Variants in CA8 observed in about 807,000 individuals in gnomAD.
CA8 encodes carbonic anhydrase 8 (inactive), also known as carbonic anhydrase-related protein.
In CA8, 22 loss-of-function variants were observed where a neutral mutation model predicts 41.4. The ratio of observed to expected loss-of-function variants is 0.53; its 90% CI spans 0.38 to 0.76. CA8 has a LOEUF of 0.76. CA8 is among the 30% of genes least tolerant of loss of function. CA8 has a pLI of 0.00. For synonymous variants in CA8, 121 were observed against 130.6 expected (o/e 0.93, Z 0.50); for missense variants, 270 against 352.8 (o/e 0.77, Z 1.88).
chr8:60,242,785 G>T (rs1357045782), intron 3 of CA8, among the ~76,000 whole-genome samples: 1 of 152,240 alleles, frequency 6.6e-6, no homozygotes, highest in South Asian at 2.1e-4. Context: ...GTGCTGGCTA[G>T]AGCAGAATCC....
At position 60,281,361 on chromosome 8, in the gene CA8, G is replaced by C; in HGVS notation, c.-214C>G. On this transcript the variant is annotated 5_prime_UTR_variant, in exon 1 of 9. Transcript: ENST00000317995. ...TTCCAGAGACCCGCGTGGGAAGCGC[G>C]TCCGGAGGCCCCAGCAGAGCGAGGG... 1.8e-6 allele frequency: 1 copy of C among 569,712 alleles called. No homozygotes were observed. The allele number at this position is 569,712 out of a possible 1,614,324, so 35.3% of individuals were successfully genotyped here.
chr8:60,252,869 C>A (rs1189878096), intron 3 of CA8, among the ~76,000 whole-genome samples: 1 of 151,940 alleles, frequency 6.6e-6, no homozygotes, highest in African/African-American at 2.4e-5. Flanking sequence ...TACTTCTGGT[C>A]CCAAGCATTC....
chr8:60,256,657 C>A (rs1808651468), intron 3 of CA8, among the ~76,000 whole-genome samples: 1 of 152,194 alleles, frequency 6.6e-6, no homozygotes, highest in South Asian at 2.1e-4. Context: ...GAGTTAAAAT[C>A]TCCTATCATC....
Position 60,185,535 on chromosome 8 carries a change from C to T in CA8, c.*4486G>A, listed in dbSNP as rs541315284. ...ACTCACACCCAGATACATCATAGTA[C>T]GAAATCTGGGGCAGGGGGGAAACCA... On this transcript the variant is annotated 3_prime_UTR_variant, in exon 9 of 9. Transcript: ENST00000317995. Among the ~76,000 whole-genome samples the T allele has an allele frequency of 2.6e-5, 4 of 152,062 alleles. No individual in the cohort carries two copies. The highest frequency in any genetic ancestry group is 1.9e-4 in the East Asian group (1 of 5,178).
intron 3 of CA8, among the ~76,000 whole-genome samples, chr8:60,239,315 C>T (rs1807938282): frequency 6.6e-6 from 1 of 152,086 alleles, no homozygotes; most frequent in African/African-American, 2.4e-5. Flanking sequence ...CAAACTAGTG[C>T]CCCATTAGTG....
intron 5 of CA8, among the ~76,000 whole-genome samples, chr8:60,225,033 G>T (rs1807378640): frequency 6.6e-6 from 1 of 151,782 alleles, no homozygotes; most frequent in Non-Finnish European, 1.5e-5. Context: ...TTCCTGTCTT[G>T]TCCTATTTGG....
At position 60,260,654 on chromosome 8, in the gene CA8, T is replaced by C. The variant is rs187912360; in HGVS notation, c.417+5271A>G. ...TAAATGATCCTGTGCAATTTGACCT[T>C]TTGAACTCTTAGATTTCTTCTTTGC... On this transcript the variant is annotated intron_variant, in intron 3 of 8. Transcript: ENST00000317995. 1.6e-4 allele frequency among the ~76,000 whole-genome samples: 24 copies of C among 152,340 alleles called. No homozygotes were observed. In the East Asian group the frequency reaches 4.4e-3, roughly 28 times the overall value.
In CA8 at chr8:60,185,979, T is replaced by A. The variant is rs755278636; in HGVS notation, c.*4042A>T. Among the ~76,000 whole-genome samples, 4 of 152,124 alleles carry A rather than the reference T, an allele frequency of 2.6e-5. No homozygotes were observed. The highest frequency in any genetic ancestry group is 2.6e-4 in the Admixed American group (4 of 15,298). On this transcript the variant is annotated 3_prime_UTR_variant, in exon 9 of 9. Transcript: ENST00000317995. ...AATTATGCTTTAGACCCAGAACATA[T>A]ACAAATGTGACATATTTGACAATGA...
chr8:60,277,560 G>T (rs1340270842), intron 2 of CA8, among the ~76,000 whole-genome samples: 1 of 152,076 alleles, frequency 6.6e-6, no homozygotes, highest in African/African-American at 2.4e-5. Flanking sequence ...TCACCATGTT[G>T]GTCAGGCTGG....
At chr8:60,229,485 A>G (rs1807566306) in intron 4 of CA8, among the ~76,000 whole-genome samples, 1 of 152,000 alleles carries the variant, frequency 6.6e-6, no homozygotes, top group South Asian at 2.1e-4. Context: ...TTACTGACCC[A>G]CTAGTCAATC....
In CA8 at chr8:60,217,396, C is replaced by T. The variant is rs577768439; in HGVS notation, c.738+5253G>A. ...GACACTCGTAATCTCTCCACTCCTTCTTGAAACTTGCCTCTCCCATGGCTT... is the reference window on the plus strand; with the variant it reads ...GACACTCGTAATCTCTCCACTCCTTTTTGAAACTTGCCTCTCCCATGGCTT... On this transcript the variant is annotated intron_variant, in intron 7 of 8. Transcript: ENST00000317995. Among the ~76,000 whole-genome samples the T allele has an allele frequency of 1.2e-4, 19 of 152,308 alleles. 1 individual carries two copies. Among genetic ancestry groups the T allele is most frequent in the South Asian group, 8.3e-4 (4 of 4,822 alleles).
At chr8:60,253,674 G>A (rs1808525775) in intron 3 of CA8, among the ~76,000 whole-genome samples, 1 of 152,076 alleles carries the variant, frequency 6.6e-6, no homozygotes, top group East Asian at 1.9e-4. Context: ...AGGACCCTCT[G>A]GGGTTACCTC....
intron 2 of CA8, among the ~76,000 whole-genome samples, chr8:60,269,733 C>T (rs1804009670): frequency 6.6e-6 from 1 of 152,116 alleles, no homozygotes; most frequent in South Asian, 2.1e-4. Context: ...GACACCTGGC[C>T]CTGTGCTGGC....
chr8:60,266,030 C>T lies in CA8; in HGVS notation c.312G>A (p.Leu104=). ...ACAGTTCAAATTCATGCCCTTGAGGCAATGGTCCTCCCGAAAGAACTGAAA... is the reference window on the plus strand; with the variant it reads ...ACAGTTCAAATTCATGCCCTTGAGGTAATGGTCCTCCCGAAAGAACTGAAA... ...KSKSVLSGGP[L]PQGHEFELYE... The change falls in exon 3 of 9, where the codon TTG becomes TTA. Residue 104 remains leucine, a synonymous_variant. Transcript: ENST00000317995. 1 of 1,613,626 alleles carries T rather than the reference C, an allele frequency of 6.2e-7. No homozygotes were observed. Among genetic ancestry groups the T allele is most frequent in the Non-Finnish European group, 8.5e-7 (1 of 1,179,612 alleles).
Position 60,232,398 on chromosome 8 carries a change from A to AC in CA8, c.418-20dup. The AC allele has an allele frequency of 1.3e-6, 2 of 1,507,898 alleles. No individual in the cohort carries two copies. The highest frequency in any genetic ancestry group is 1.8e-6 in the Non-Finnish European group (2 of 1,083,092). 93.4% of individuals were successfully genotyped at this position (1,507,898 alleles called of 1,614,324 possible). A position where few individuals can be genotyped will look rare whatever the true frequency, so the allele number is the denominator to read the frequency against. On this transcript the variant is annotated intron_variant, in intron 3 of 8. Transcript: ENST00000317995. The stretch of plus-strand genomic sequence containing the variant: ...GATGGAGCTGAGTGAGTGGCAACAG[A>AC]CAGACCACATCATTTAATGTGCTAC...
intron 8 of CA8, chr8:60,208,338 G>C (rs921924012): frequency 9.7e-6 from 2 of 205,356 alleles, no homozygotes; most frequent in East Asian, 1.3e-4. Context: ...AGACGAGAAG[G>C]GTCCACACTG....
chr8:60,197,818 T>G (rs1563519213), intron 8 of CA8, among the ~76,000 whole-genome samples: 1 of 152,144 alleles, frequency 6.6e-6, no homozygotes, highest in Non-Finnish European at 1.5e-5. Context: ...CTACAGCAGT[T>G]TCAATAGGTA....
At chr8:60,266,196 C>G in intron 2 of CA8, 147 bp from the exon 3 acceptor site, 1 of 738,788 alleles carries the variant, frequency 1.4e-6, no homozygotes, top group South Asian at 1.9e-5. Context: ...TTTATCACAA[C>G]TGTGAGGTGA....
intron 3 of CA8, among the ~76,000 whole-genome samples, chr8:60,263,704 T>C (rs993402987): frequency 2.0e-5 from 3 of 152,330 alleles, no homozygotes; most frequent in Non-Finnish European, 4.4e-5. Context: ...AGTCCCAGGA[T>C]GTTCTTCCAC....
Sources: allele counts gnomAD v4.1 joint callset (sites outside exome capture counted in the v4.1 genomes callset), GRCh38; gene constraint gnomAD v4.1.1; transcripts MANE v1.5; gene names NCBI Gene and HGNC (gene_info 2026-07-23, HGNC 2026-07-21).